TPX2: variants seen among roughly 807,000 people sequenced by gnomAD.
The protein encoded by TPX2 is targeting protein for Xklp2.
In TPX2, 21 loss-of-function variants were observed where a neutral mutation model predicts 93.6. The observed-to-expected ratio is 0.22, with a 90% CI of 0.16 to 0.32. The LOEUF is 0.32. Ranked by LOEUF, TPX2 falls within the 10% of genes least tolerant of loss-of-function variation. The pLI is 1.00. For synonymous variants in TPX2, 281 were observed against 298.3 expected (o/e 0.94, Z 0.60); for missense variants, 776 against 871.1 (o/e 0.89, Z 1.37).
At chr20:31,765,329 A>C (rs1019267617) in intron 4 of TPX2, among the ~76,000 whole-genome samples, 2 of 151,830 alleles carry the variant, frequency 1.3e-5, no homozygotes, top group African/African-American at 2.4e-5. Context: ...AAAAAAAAAA[A>C]AAACGTTTAT....
chr20:31,781,927 T>A (rs1355733852), intron 10 of TPX2, among the ~76,000 whole-genome samples: 1 of 136,374 alleles, frequency 7.3e-6, no homozygotes, highest in African/African-American at 2.5e-5. Flanking sequence ...GGCAACAGAG[T>A]GAGACCCTGT....
chr20:31,745,965 T>C (rs1189597006), intron 2 of TPX2, among the ~76,000 whole-genome samples: 1 of 152,156 alleles, frequency 6.6e-6, no homozygotes, highest in Non-Finnish European at 1.5e-5. Context: ...CAAAACTGAG[T>C]TTGTAATCCT....
At chr20:31,746,434 G>T (rs2061783979) in intron 2 of TPX2, among the ~76,000 whole-genome samples, 2 of 152,182 alleles carry the variant, frequency 1.3e-5, no homozygotes, top group South Asian at 2.1e-4. Context: ...GTGAAAGTAG[G>T]AGAGGATGTC....
intron 4 of TPX2, among the ~76,000 whole-genome samples, chr20:31,763,662 T>C (rs575884276): frequency 1.1e-4 from 16 of 152,158 alleles, no homozygotes; most frequent in Admixed American, 2.6e-4. Flanking sequence ...AGGATTGTTA[T>C]GTCACGTTGA....
At chr20:31,743,018 C>T (rs181575515) in intron 2 of TPX2, among the ~76,000 whole-genome samples, 2 of 152,056 alleles carry the variant, frequency 1.3e-5, no homozygotes, top group East Asian at 1.9e-4. Context: ...AGTTTGAAAC[C>T]GGCTGGCCAA....
rs375449068 is a variant in TPX2 at position 31,801,010 on chromosome 20, A to G, written c.2174A>G (p.Glu725Gly). Residue 725 changes from glutamate (E) to glycine (G), a missense_variant, in exon 18 of 18, where the codon GAG becomes GGG. Around this residue, in one of 3 missense-constraint regions of TPX2, gnomAD observed 461 missense variants for 551.2 expected, o/e 0.84. Transcript: ENST00000300403. ...ANPIRKYQGLEIKSSDQPLTV... is the reference protein window; with the variant it reads ...ANPIRKYQGLGIKSSDQPLTV... ...CCAATACGCAAGTACCAGGGTCTGG[A>G]GATAAAGTCAAGTGACCAGCCTCTG... is the stretch of plus-strand genomic sequence containing the variant. The G allele has an allele frequency of 9.4e-5, 152 of 1,614,230 alleles. 2 individuals are homozygous for G. In the South Asian group the frequency reaches 1.5e-3, roughly 16 times the overall value.
chr20:31,801,045 G>T lies in TPX2; in HGVS notation c.2209G>T (p.Val737Leu). 1 of 1,614,178 alleles carries T rather than the reference G, an allele frequency of 6.2e-7. No individual in the cohort carries two copies. Among genetic ancestry groups the T allele is most frequent in the East Asian group, 2.2e-5 (1 of 44,890 alleles). The change falls in exon 18 of 18, where the codon GTA becomes TTA. Residue 737 changes from valine to leucine, a missense_variant. Around this residue, in one of 3 missense-constraint regions of TPX2, gnomAD observed 461 missense variants for 551.2 expected, o/e 0.84. Coordinates refer to ENST00000300403, the MANE Select transcript of TPX2 (RefSeq NM_012112.5). The stretch of plus-strand genomic sequence containing the variant: ...AAGTGACCAGCCTCTGACTGTGCCT[G>T]TATCTCCCAAATTCTCCACTCGATT... ...KSSDQPLTVP[V>L]SPKFSTRFHC
intron 10 of TPX2, among the ~76,000 whole-genome samples, chr20:31,779,903 G>A (rs1196259861): frequency 6.6e-6 from 1 of 152,184 alleles, no homozygotes; most frequent in Non-Finnish European, 1.5e-5. Flanking sequence ...TATCTTTATG[G>A]AAATAATTTC....
chr20:31,773,297 A>T (rs1600377149), intron 7 of TPX2, among the ~76,000 whole-genome samples: 1 of 151,974 alleles, frequency 6.6e-6, no homozygotes, highest in Non-Finnish European at 1.5e-5. Flanking sequence ...GATTACAGGC[A>T]CCTGCCACCA....
chr20:31,788,783 G>T (rs759510773), intron 12 of TPX2, among the ~76,000 whole-genome samples: 6 of 152,214 alleles, frequency 3.9e-5, no homozygotes, highest in Non-Finnish European at 8.8e-5. Flanking sequence ...GGGCAGCCGG[G>T]GCACCACGGA....
At chr20:31,746,553 CTTT>C (rs1165981737) in intron 2 of TPX2, among the ~76,000 whole-genome samples, 1 of 152,208 alleles carries the variant, frequency 6.6e-6, no homozygotes, top group African/African-American at 2.4e-5. Flanking sequence ...TAACTCATGA[CTTT>C]CTCTTTAATA....
chr20:31,757,283 A>C, intron 2 of TPX2, 124 bp from the exon 3 acceptor site: 1 of 568,754 alleles, frequency 1.8e-6, no homozygotes, highest in Non-Finnish European at 3.1e-6. Context: ...GTTTAGGTTG[A>C]TTGGACAAAG....
intron 11 of TPX2, among the ~76,000 whole-genome samples, 196 bp from the exon 12 acceptor site, chr20:31,783,509 C>G (rs2062047205): frequency 6.6e-6 from 1 of 152,112 alleles, no homozygotes; most frequent in African/African-American, 2.4e-5. Context: ...CCTTGGCTTC[C>G]CAAAGTGCTG....
intron 11 of TPX2, among the ~76,000 whole-genome samples, chr20:31,783,224 T>G (rs1350142696): frequency 5.3e-5 from 8 of 151,210 alleles, no homozygotes; most frequent in Admixed American, 5.3e-4. Flanking sequence ...GATTTATTCT[T>G]TCTTCTTTTA....
chr20:31,743,940 C>G (rs1386478838), intron 2 of TPX2, among the ~76,000 whole-genome samples: 1 of 151,590 alleles, frequency 6.6e-6, no homozygotes, highest in East Asian at 2.0e-4. Context: ...AGGCTGGTCT[C>G]GAACTCCTGA....
At chr20:31,784,780 C>G (rs2062054738) in intron 12 of TPX2, among the ~76,000 whole-genome samples, 1 of 152,126 alleles carries the variant, frequency 6.6e-6, no homozygotes, top group South Asian at 2.1e-4. Flanking sequence ...AATGTGCAAT[C>G]AGGAAGCAAG....
At chr20:31,776,515 G>A (rs1357421533) in intron 8 of TPX2, among the ~76,000 whole-genome samples, 2 of 151,660 alleles carry the variant, frequency 1.3e-5, no homozygotes, top group Non-Finnish European at 1.5e-5. Context: ...TAAATATATC[G>A]GTACTTTCTT....
At position 31,750,449 on chromosome 20, in the gene TPX2, C is replaced by T. The variant is rs557901232; in HGVS notation, c.-70-6958C>T. Among the ~76,000 whole-genome samples, 374 of 145,726 alleles carry T rather than the reference C, an allele frequency of 2.6e-3. 2 individuals are homozygous for T. Among genetic ancestry groups the T allele is most frequent in the African/African-American group, 9.3e-3 (352 of 37,930 alleles). On this transcript the variant is annotated intron_variant, in intron 2 of 17. Transcript: ENST00000300403. The stretch of plus-strand genomic sequence containing the variant: ...GATTACAGGTGTGAGCCACCGTGCC[C>T]GGCTATTTATTTATTTATTTATTTA...
At position 31,783,796 on chromosome 20, in the gene TPX2, C is replaced by T. The variant is rs1190700004; in HGVS notation, c.1288C>T (p.Pro430Ser). 6.2e-7 allele frequency: 1 copy of T among 1,613,370 alleles called. No homozygotes were observed. Among genetic ancestry groups the T allele is most frequent in the East Asian group, 2.2e-5 (1 of 44,836 alleles). Residue 430 changes from proline (P) to serine (S), a missense_variant, in exon 12 of 18, where the codon CCT becomes TCT. By Grantham distance (74) the Pro-to-Ser change is moderately conservative. This residue lies in a region of TPX2 where 461 missense variants were observed against 551.2 expected (regional missense o/e 0.84). Transcript: ENST00000300403. ...KKPPVKPPTEPIGFDLEIEKR... is the reference protein window; with the variant it reads ...KKPPVKPPTESIGFDLEIEKR... Reference sequence around the variant, plus strand: ...ACCACCTGTGAAACCACCCACCGAGCCTATTGGCTTTGATTTGGAAATTGA... The same window carrying T: ...ACCACCTGTGAAACCACCCACCGAGTCTATTGGCTTTGATTTGGAAATTGA...
Sources: allele counts gnomAD v4.1 joint callset (sites outside exome capture counted in the v4.1 genomes callset), GRCh38; gene constraint gnomAD v4.1.1; regional missense constraint gnomAD v4.1.1; transcripts MANE v1.5; gene names NCBI Gene and HGNC (gene_info 2026-07-23, HGNC 2026-07-21).